Variants in PARD3 observed in about 807,000 individuals in gnomAD.
PARD3 encodes the protein partitioning defective 3 homolog.
PARD3 carries 75 observed loss-of-function variants against 155.4 expected under a neutral mutation model. The ratio of observed to expected loss-of-function variants is 0.48; its 90% CI spans 0.40 to 0.58. PARD3 has a LOEUF of 0.58. PARD3 is among the 20% of genes least tolerant of loss of function. PARD3 has a pLI of 0.00. For missense variants in PARD3, 1,642 were observed against 1,721.7 expected (o/e 0.95, Z 0.82); for synonymous variants, 576 against 610.5 (o/e 0.94, Z 0.83).
intron 7 of PARD3, among the ~76,000 whole-genome samples, chr10:34,393,836 ATT>A (rs11330074): frequency 0.019 from 2,509 of 128,792 alleles, 52 homozygotes; most frequent in African/African-American, 0.066. Flanking sequence ...AATAGTAGTA[ATT>A]TTTTTTTTTT....
intron 13 of PARD3, 22 bp from the exon 14 acceptor site, chr10:34,359,339 A>G (rs745593357): frequency 1.9e-6 from 3 of 1,592,334 alleles, no homozygotes; most frequent in African/African-American, 2.7e-5. Context: ...ACAGGTAAAA[A>G]TAAGTGCTAT....
chr10:34,661,492 T>G (rs2093325109), intron 2 of PARD3, among the ~76,000 whole-genome samples: 1 of 152,162 alleles, frequency 6.6e-6, no homozygotes. Context: ...GATGGCCTGA[T>G]GGGTTAATCA....
At chr10:34,413,381 C>T (rs777682711) in intron 5 of PARD3, among the ~76,000 whole-genome samples, 1 of 151,132 alleles carries the variant, frequency 6.6e-6, no homozygotes, top group Non-Finnish European at 1.5e-5. Context: ...AAGCCTTTCA[C>T]ACTTTTCCTG....
intron 2 of PARD3, among the ~76,000 whole-genome samples, chr10:34,589,903 G>A (rs893173531): frequency 2.6e-5 from 4 of 152,072 alleles, no homozygotes; most frequent in Non-Finnish European, 4.4e-5. Context: ...CTACTGCTAC[G>A]CACACTAGAA....
chr10:34,255,667 C>CA (rs1336069045), intron 22 of PARD3, among the ~76,000 whole-genome samples: 11 of 152,282 alleles, frequency 7.2e-5, no homozygotes, highest in African/African-American at 2.4e-4. Flanking sequence ...TCTGAAATGG[C>CA]AAACTTTTTT....
At chr10:34,414,123 C>T (rs183618143) in intron 5 of PARD3, among the ~76,000 whole-genome samples, 1 of 151,740 alleles carries the variant, frequency 6.6e-6, no homozygotes, top group African/African-American at 2.4e-5. Flanking sequence ...ACTTGAGCCC[C>T]AGAGGTCAAC....
chr10:34,611,666 C>T lies in PARD3; in HGVS notation c.222+84652G>A, dbSNP rs2090898176. Among the ~76,000 whole-genome samples, 3 of 152,118 alleles carry T rather than the reference C, an allele frequency of 2.0e-5. 1 individual carries two copies. In the South Asian group the frequency reaches 6.2e-4, roughly 32 times the overall value. On this transcript the variant is annotated intron_variant, in intron 2 of 24. Coordinates refer to ENST00000374788, the MANE Select transcript of PARD3 (RefSeq NM_001184785.2). ...CTAGGAAAAAATCTGGATCTTGAAC[C>T]AACCACAAAAATCCTGTTGACTCCT...
chr10:34,464,686 A>T (rs1288920642), intron 4 of PARD3, among the ~76,000 whole-genome samples: 2 of 152,212 alleles, frequency 1.3e-5, no homozygotes, highest in Non-Finnish European at 2.9e-5. Flanking sequence ...CTCAACACAT[A>T]ATATAACATT....
At chr10:34,621,383 G>A (rs142642529) in intron 2 of PARD3, among the ~76,000 whole-genome samples, 2,594 of 152,108 alleles carry the variant, frequency 0.017, 70 homozygotes, top group African/African-American at 0.06. Context: ...TTTTAGTAGA[G>A]ACAGGGTTTT....
chr10:34,675,260 T>C (rs185539446), intron 2 of PARD3, among the ~76,000 whole-genome samples: 12 of 152,328 alleles, frequency 7.9e-5, no homozygotes, highest in South Asian at 2.1e-4. Flanking sequence ...TTAAGCAACT[T>C]TGTCAGATTG....
intron 5 of PARD3, among the ~76,000 whole-genome samples, chr10:34,404,021 A>G (rs1478703682): frequency 6.6e-6 from 1 of 152,158 alleles, no homozygotes; most frequent in African/African-American, 2.4e-5. Flanking sequence ...CCCAAACTAC[A>G]GTGATAAAAC....
intron 1 of PARD3, among the ~76,000 whole-genome samples, chr10:34,740,769 T>C (rs1481558801): frequency 6.7e-6 from 1 of 148,938 alleles, no homozygotes; most frequent in Non-Finnish European, 1.5e-5. Flanking sequence ...AATTGACGTA[T>C]ATCTTTTGAG....
At chr10:34,708,938 A>C (rs1397849193) in intron 1 of PARD3, among the ~76,000 whole-genome samples, 3 of 152,126 alleles carry the variant, frequency 2.0e-5, no homozygotes, top group Non-Finnish European at 2.9e-5. Flanking sequence ...TTAAGGAAAC[A>C]CCCTTATTCT....
intron 1 of PARD3, among the ~76,000 whole-genome samples, chr10:34,740,954 G>A (rs529268818): frequency 1.3e-5 from 2 of 152,056 alleles, no homozygotes; most frequent in South Asian, 2.1e-4. Flanking sequence ...TAACTAACTC[G>A]AGTTCAACTT....
At chr10:34,814,842 C>G in intron 1 of PARD3, 34 bp downstream of exon 1, 1 of 1,208,870 alleles carries the variant, frequency 8.3e-7, no homozygotes, top group Non-Finnish European at 1.2e-6. Flanking sequence ...TCCCCGCCGC[C>G]GCCCCCTCCC....
At chr10:34,233,668 T>C (rs1953059165) in intron 22 of PARD3, among the ~76,000 whole-genome samples, 1 of 152,084 alleles carries the variant, frequency 6.6e-6, no homozygotes, top group African/African-American at 2.4e-5. Context: ...ATCTTGCCAG[T>C]CATTTTTTAT....
At chr10:34,454,868 G>A (rs747986956) in intron 4 of PARD3, among the ~76,000 whole-genome samples, 25 of 152,252 alleles carry the variant, frequency 1.6e-4, no homozygotes, top group Admixed American at 5.2e-4. Context: ...CCCTGGTAGC[G>A]GTATCCTGGC....
chr10:34,572,515 T>C (rs527929448), intron 2 of PARD3, among the ~76,000 whole-genome samples: 1 of 149,434 alleles, frequency 6.7e-6, no homozygotes, highest in Non-Finnish European at 1.5e-5. Context: ...TGGGTGCGCC[T>C]GCAGTCCCAG....
intron 2 of PARD3, among the ~76,000 whole-genome samples, chr10:34,562,254 T>C (rs2085552978): frequency 6.7e-6 from 1 of 149,064 alleles, no homozygotes; most frequent in Admixed American, 6.7e-5. Context: ...CTGGTCAACA[T>C]GGTGAAACCC....
Sources: allele counts gnomAD v4.1 joint callset (sites outside exome capture counted in the v4.1 genomes callset), GRCh38; gene constraint gnomAD v4.1.1; transcripts MANE v1.5; gene names NCBI Gene and HGNC (gene_info 2026-07-23, HGNC 2026-07-21).